Variants in SEMA3E observed in about 807,000 individuals in gnomAD.
SEMA3E encodes semaphorin-3E.
SEMA3E carries 49 observed loss-of-function variants against 93.6 expected under a neutral mutation model. That is an observed-to-expected ratio of 0.52 (90% confidence interval 0.42 to 0.66). The LOEUF (loss-of-function observed/expected upper bound fraction) is 0.66. Among genes scored for constraint, SEMA3E ranks in the 30% least tolerant of loss-of-function variants. The pLI is 0.00. For synonymous variants in SEMA3E, 363 were observed against 330.7 expected, an observed-to-expected ratio of 1.10 and a Z score of -1.06; for missense variants, 906 against 964.8, an observed-to-expected ratio of 0.94 and a Z score of 0.81.
At chr7:83,399,681 T>C (rs1788198139) in intron 11 of SEMA3E, among the ~76,000 whole-genome samples, 2 of 152,244 alleles carry the variant, frequency 1.3e-5, no homozygotes, top group South Asian at 4.1e-4. Flanking sequence ...TTTATTCTTA[T>C]GCATGAAGTA....
intron 1 of SEMA3E, among the ~76,000 whole-genome samples, chr7:83,534,872 G>A (rs1791382136): frequency 6.6e-6 from 1 of 152,134 alleles, no homozygotes; most frequent in Non-Finnish European, 1.5e-5. Context: ...TAAAGAGGTT[G>A]GAAAAGGAAT....
chr7:83,411,816 G>T (rs531832513), intron 5 of SEMA3E, among the ~76,000 whole-genome samples: 1 of 152,178 alleles, frequency 6.6e-6, no homozygotes, highest in African/African-American at 2.4e-5. Flanking sequence ...TTTATAAAAA[G>T]ATTAAAATAC....
At chr7:83,450,698 A>G (rs1033536426) in intron 4 of SEMA3E, among the ~76,000 whole-genome samples, 6 of 150,186 alleles carry the variant, frequency 4.0e-5, no homozygotes, top group Non-Finnish European at 9.0e-5. Flanking sequence ...AAAAAAAATC[A>G]TAGGTTATCT....
chr7:83,570,633 A>T (rs1339456089), intron 1 of SEMA3E, among the ~76,000 whole-genome samples: 1 of 150,956 alleles, frequency 6.6e-6, no homozygotes. Context: ...TAGGAAAAAA[A>T]TTAGAAACCA....
At chr7:83,496,094 TCTC>T (rs1272527207) in intron 1 of SEMA3E, among the ~76,000 whole-genome samples, 1 of 151,930 alleles carries the variant, frequency 6.6e-6, no homozygotes, top group East Asian at 1.9e-4. Context: ...CATTGTGACA[TCTC>T]CTCAGAAATA....
intron 4 of SEMA3E, among the ~76,000 whole-genome samples, chr7:83,422,728 TATA>T (rs1788689803): frequency 6.6e-6 from 1 of 152,214 alleles, no homozygotes; most frequent in Non-Finnish European, 1.5e-5. Flanking sequence ...ATCTAATGGG[TATA>T]ATTAGACACC....
At chr7:83,552,987 T>C (rs1562830016) in intron 1 of SEMA3E, among the ~76,000 whole-genome samples, 2 of 151,812 alleles carry the variant, frequency 1.3e-5, no homozygotes, top group Non-Finnish European at 2.9e-5. Context: ...TGTTAGACTC[T>C]TATTAGTAGT....
At chr7:83,399,425 T>C (rs1788192240) in intron 11 of SEMA3E, among the ~76,000 whole-genome samples, 1 of 152,200 alleles carries the variant, frequency 6.6e-6, no homozygotes, top group Non-Finnish European at 1.5e-5. Context: ...TTTGGCCTGC[T>C]TGGTACAAAT....
rs1454301808 is a variant in SEMA3E, at chr7:83,408,804, T to C, written c.551-317A>G. On this transcript the variant is annotated intron_variant, in intron 5 of 16. Coordinates refer to ENST00000643230, the MANE Select transcript of SEMA3E (RefSeq NM_012431.3). ...ATCAGCTGGTAAATAGTAAGACCTA[T>C]ATGAGTTTTTGGTAAATACCTTGGC... Among the ~76,000 whole-genome samples, 6 of 152,176 alleles carry C rather than the reference T, an allele frequency of 3.9e-5. No individual in the cohort carries two copies. The East Asian group carries it at 1.2e-3, about 29-fold the overall frequency.
intron 1 of SEMA3E, among the ~76,000 whole-genome samples, chr7:83,569,138 GCTA>G (rs1792222828): frequency 9.4e-6 from 1 of 106,466 alleles, no homozygotes; most frequent in Admixed American, 8.8e-5. Flanking sequence ...ATTTGCAATA[GCTA>G]CAAAAAAAAA....
At chr7:83,647,590 A>G (rs1033952757) in intron 1 of SEMA3E, among the ~76,000 whole-genome samples, 5 of 152,196 alleles carry the variant, frequency 3.3e-5, no homozygotes, top group African/African-American at 7.2e-5. Context: ...AGGAATTACC[A>G]AACCTATTCA....
At chr7:83,496,599 A>T (rs1790495746) in intron 1 of SEMA3E, among the ~76,000 whole-genome samples, 1 of 151,992 alleles carries the variant, frequency 6.6e-6, no homozygotes, top group Admixed American at 6.6e-5. Context: ...CTAATTTGCT[A>T]TGGAGTTTCA....
chr7:83,535,341 C>T (rs1791391305), intron 1 of SEMA3E, among the ~76,000 whole-genome samples: 1 of 151,822 alleles, frequency 6.6e-6, no homozygotes, highest in African/African-American at 2.4e-5. Flanking sequence ...TTTGTCAGTA[C>T]ATAAAGTAAG....
chr7:83,593,260 GTCTC>G (rs1186592715), intron 1 of SEMA3E, among the ~76,000 whole-genome samples: 454 of 96,290 alleles, frequency 4.7e-3, no homozygotes, highest in African/African-American at 0.019. Flanking sequence ...CTCTCTCTCT[GTCTC>G]TCTCTCTCTC....
intron 1 of SEMA3E, among the ~76,000 whole-genome samples, chr7:83,503,713 T>G (rs1790642394): frequency 6.6e-6 from 1 of 152,172 alleles, no homozygotes; most frequent in South Asian, 2.1e-4. Context: ...AATTGTAATT[T>G]GATAAGTATT....
In SEMA3E at chr7:83,515,021, A is replaced by G. The variant is rs566615931; in HGVS notation, c.116-24747T>C. On this transcript the variant is annotated intron_variant, in intron 1 of 16. Coordinates refer to ENST00000643230, the MANE Select transcript of SEMA3E (RefSeq NM_012431.3). ...ACTATTTTCTCCTCCTCCTTGAAAT[A>G]GCAACCTCTGTTGCCAGTAGAAACT... Among the ~76,000 whole-genome samples the G allele has an allele frequency of 2.0e-5, 3 of 152,338 alleles. No homozygotes were observed. The East Asian group carries it at 5.8e-4, about 29-fold the overall frequency.
chr7:83,372,550 G>T, intron 16 of SEMA3E: 7 of 269,478 alleles, frequency 2.6e-5, no homozygotes, highest in East Asian at 6.2e-5. Flanking sequence ...AAAAAGCAGG[G>T]TTTAAAAAAA....
Position 83,539,357 on chromosome 7 carries a change from G to T in SEMA3E, c.116-49083C>A, listed in dbSNP as rs192680335. Among the ~76,000 whole-genome samples, 614 of 152,246 alleles carry T rather than the reference G, an allele frequency of 4.0e-3. 3 individuals are homozygous for T. Among genetic ancestry groups the T allele is most frequent in the African/African-American group, 0.014 (591 of 41,546 alleles). On this transcript the variant is annotated intron_variant, in intron 1 of 16. Transcript: ENST00000643230. Reference sequence around the variant, plus strand: ...ACAGTTAAGAAACCTAACTTTTCCAGTGATAAAGCAACAGACATTTGGTTG... The same window carrying T: ...ACAGTTAAGAAACCTAACTTTTCCATTGATAAAGCAACAGACATTTGGTTG...
chr7:83,415,654 G>A (rs1387273095), intron 5 of SEMA3E, among the ~76,000 whole-genome samples: 1 of 151,914 alleles, frequency 6.6e-6, no homozygotes. Flanking sequence ...TAAGTCAACT[G>A]AATTTAAGTT....
Sources: allele counts gnomAD v4.1 joint callset (sites outside exome capture counted in the v4.1 genomes callset), GRCh38; gene constraint gnomAD v4.1.1; transcripts MANE v1.5; gene names NCBI Gene and HGNC (gene_info 2026-07-23, HGNC 2026-07-21).